Variants in ASB7 observed in about 807,000 individuals in gnomAD.
ASB7 encodes ankyrin repeat and SOCS box protein 7.
In ASB7, 4 loss-of-function variants were observed where a neutral mutation model predicts 32.5. The observed-to-expected ratio is 0.12, with a 90% CI of 0.06 to 0.28. ASB7 has a LOEUF of 0.28. ASB7 is among the 10% of genes least tolerant of loss of function. The probability of loss-of-function intolerance (pLI) is 1.00; values close to 1 mark genes in which losing one functional copy is unlikely to be tolerated. For missense variants in ASB7, 181 were observed against 407.1 expected (o/e 0.44, Z 4.78); for synonymous variants, 172 against 155.6 (o/e 1.11, Z -0.78).
At chr15:100,611,119 A>C (rs1181546718) in intron 3 of ASB7, among the ~76,000 whole-genome samples, 2 of 152,174 alleles carry the variant, frequency 1.3e-5, no homozygotes, top group African/African-American at 4.8e-5. Flanking sequence ...ATCACAGCTC[A>C]CTGCAGCCTC....
intron 5 of ASB7, among the ~76,000 whole-genome samples, chr15:100,630,578 T>C (rs1216167195): frequency 6.6e-6 from 1 of 152,238 alleles, no homozygotes; most frequent in Non-Finnish European, 1.5e-5. Flanking sequence ...AAGTTAAGGA[T>C]GCTAGAAATT....
chr15:100,627,051 C>G (rs1297372676), intron 4 of ASB7, among the ~76,000 whole-genome samples: 1 of 151,706 alleles, frequency 6.6e-6, no homozygotes, highest in Non-Finnish European at 1.5e-5. Flanking sequence ...TCATCTGTAC[C>G]CTTAAAGTGA....
At chr15:100,641,883 G>A (rs917708767) in intron 5 of ASB7, among the ~76,000 whole-genome samples, 8 of 152,232 alleles carry the variant, frequency 5.3e-5, no homozygotes, top group African/African-American at 1.9e-4. Context: ...CGTTTGAGGT[G>A]AGTGTGATTA....
chr15:100,629,807 T>G lies in ASB7; in HGVS notation c.582T>G (p.Ser194=). 6.2e-7 allele frequency: 1 copy of G among 1,614,226 alleles called. No homozygotes were observed. The highest frequency in any genetic ancestry group is 1.1e-5 in the South Asian group (1 of 91,088). Residue 194 remains serine, a synonymous_variant, in exon 5 of 6, where the codon TCT becomes TCG. Transcript: ENST00000332783. The surrounding 1 kb of genome is among the most constrained non-coding windows in gnomAD (Gnocchi z 6.8). ...LRYAVIKSNH[S]YCRMFLQRGA... ...ACGCCGTGATCAAAAGCAATCACTC[T>G]TATTGCCGAATGTTCCTTCAGAGAG... is the stretch of plus-strand genomic sequence containing the variant.
chr15:100,633,142 G>A (rs561970360), intron 5 of ASB7, among the ~76,000 whole-genome samples: 1 of 151,842 alleles, frequency 6.6e-6, no homozygotes. Flanking sequence ...ACCTGTGGGA[G>A]GAAAGCTGCG....
At chr15:100,641,059 T>C (rs1027941088) in intron 5 of ASB7, among the ~76,000 whole-genome samples, 17 of 150,172 alleles carry the variant, frequency 1.1e-4, no homozygotes, top group African/African-American at 3.7e-4. Context: ...TTCCCTGTTA[T>C]GATCCCGTGC....
Position 100,603,321 on chromosome 15 carries a change from G to A in ASB7, c.-174+8G>A, listed in dbSNP as rs1360948233. 1.1e-5 allele frequency: 3 copies of A among 262,402 alleles called. No homozygotes were observed. Among genetic ancestry groups the A allele is most frequent in the Non-Finnish European group, 2.2e-5 (3 of 139,512 alleles). The allele number at this position is 262,402 out of a possible 1,614,324, so 16.3% of individuals were successfully genotyped here. A position where few individuals can be genotyped will look rare whatever the true frequency, so the allele number is the denominator to read the frequency against. ...CCAGCATCGTCTGTAAAGGTAATGA[G>A]CCAGCCCTCCCCTCCCCCGTTGTTT... is the stretch of plus-strand genomic sequence containing the variant. On this transcript the variant is annotated splice_region_variant and intron_variant, in intron 2 of 5. Coordinates refer to ENST00000332783, the MANE Select transcript of ASB7 (RefSeq NM_198243.3).
chr15:100,608,949 C>A (rs753652519), intron 2 of ASB7, among the ~76,000 whole-genome samples: 10 of 152,158 alleles, frequency 6.6e-5, no homozygotes, highest in Non-Finnish European at 1.3e-4. Flanking sequence ...GCTCACCCAC[C>A]GTCAGGGGAT....
chr15:100,626,373 T>C (rs2039837239), intron 4 of ASB7, among the ~76,000 whole-genome samples: 2 of 152,128 alleles, frequency 1.3e-5, no homozygotes, highest in South Asian at 4.2e-4. Context: ...TAACTAGTTA[T>C]TAGGGAAATA....
chr15:100,602,714 C>T lies in ASB7; in HGVS notation c.-605C>T, dbSNP rs2039558726. 2.8e-6 allele frequency: 1 copy of T among 357,518 alleles called. No individual in the cohort carries two copies. The allele number at this position is 357,518 out of a possible 1,614,324, so 22.1% of individuals were successfully genotyped here. ...CCCGTATGACCTGGGACCTCGCCGTCCCGAGACCTCCTGGGTCCCTCCGTA... is the reference window on the plus strand; with the variant it reads ...CCCGTATGACCTGGGACCTCGCCGTTCCGAGACCTCCTGGGTCCCTCCGTA... On this transcript the variant is annotated 5_prime_UTR_variant, in exon 1 of 6. Coordinates refer to ENST00000332783, the MANE Select transcript of ASB7 (RefSeq NM_198243.3).
intron 4 of ASB7, among the ~76,000 whole-genome samples, chr15:100,624,974 T>C (rs1039932566): frequency 6.6e-6 from 1 of 152,202 alleles, no homozygotes; most frequent in African/African-American, 2.4e-5. Context: ...TGAAAATCAA[T>C]AGGCTGAGTA....
intron 4 of ASB7, among the ~76,000 whole-genome samples, chr15:100,617,898 C>CA (rs924127536): frequency 3.9e-4 from 59 of 152,168 alleles, no homozygotes; most frequent in Middle Eastern, 6.8e-3. Context: ...TTTCTTTTAT[C>CA]AAAAAATACT....
In ASB7 at chr15:100,629,606, C is replaced by T. The variant is rs112822635; in HGVS notation, c.381C>T (p.Tyr127=). Residue 127 remains tyrosine (Y), a synonymous_variant, in exon 5 of 6, where the codon TAC becomes TAT. Transcript: ENST00000332783. This position sits in a 1 kb window ranked among gnomAD's most constrained non-coding sequence, Gnocchi z 6.8. ...GWTPLHVAAH[Y]GRDSFVRLLL... The stretch of plus-strand genomic sequence containing the variant: ...CTCCCCTCCATGTGGCTGCCCACTA[C>T]GGCAGGGACTCATTTGTCCGGCTCC... 5.2e-4 allele frequency: 846 copies of T among 1,614,186 alleles called. 6 individuals are homozygous for T. The African/African-American group carries it at 9.6e-3, about 18-fold the overall frequency.
chr15:100,622,201 A>AAAAAGAAAAAAGAG (rs1297172644), intron 4 of ASB7, among the ~76,000 whole-genome samples: 5 of 482 alleles, frequency 0.01, no homozygotes, highest in Admixed American at 0.1. Flanking sequence ...TAATAGCTAC[A>AAAAAGAAAAAAGAG]AAAAGAAAAA....
chr15:100,614,272 CA>C (rs36083050), intron 4 of ASB7, among the ~76,000 whole-genome samples: 25,174 of 88,428 alleles, frequency 0.28, 2,584 homozygotes, highest in Non-Finnish European at 0.37. Context: ...AAACTCTGCT[CA>C]AAAAAAAAAA....
chr15:100,639,870 T>C (rs912179264), intron 5 of ASB7, among the ~76,000 whole-genome samples: 6 of 152,214 alleles, frequency 3.9e-5, no homozygotes, highest in African/African-American at 1.4e-4. Flanking sequence ...CTAGAGATTT[T>C]TTGTCATTTG....
intron 4 of ASB7, among the ~76,000 whole-genome samples, chr15:100,618,808 CCTT>C (rs1478017697): frequency 2.6e-5 from 4 of 152,198 alleles, no homozygotes; most frequent in Non-Finnish European, 4.4e-5. Flanking sequence ...ATGGGACTCT[CCTT>C]CTGGTACTTC....
Position 100,629,008 on chromosome 15 carries a change from G to A in ASB7, c.212-429G>A, listed in dbSNP as rs2141399483. Among the ~76,000 whole-genome samples, 1 of 152,292 alleles carries A rather than the reference G, an allele frequency of 6.6e-6. No homozygotes were observed. Among genetic ancestry groups the A allele is most frequent in the African/African-American group, 2.4e-5 (1 of 41,556 alleles). ...CATAGTGTATCTGTAATTTAGAGCA[G>A]CAGATGTTGCTACACATGCTTCTCT... On this transcript the variant is annotated intron_variant, in intron 4 of 5. Coordinates refer to ENST00000332783, the MANE Select transcript of ASB7 (RefSeq NM_198243.3). The surrounding 1 kb of genome is among the most constrained non-coding windows in gnomAD (Gnocchi z 6.8).
At chr15:100,624,377 C>G (rs779879388) in intron 4 of ASB7, among the ~76,000 whole-genome samples, 2 of 152,164 alleles carry the variant, frequency 1.3e-5, no homozygotes, top group African/African-American at 2.4e-5. Context: ...CTGACTTGAT[C>G]GTTACACATT....
Sources: allele counts gnomAD v4.1 joint callset (sites outside exome capture counted in the v4.1 genomes callset), GRCh38; gene constraint gnomAD v4.1.1; non-coding constraint Gnocchi (gnomAD v3.1); transcripts MANE v1.5; gene names NCBI Gene and HGNC (gene_info 2026-07-23, HGNC 2026-07-21).